Variants in ADCY7 observed in about 807,000 individuals in gnomAD.
The protein encoded by ADCY7 is adenylate cyclase 7.
ADCY7 carries 72 observed loss-of-function variants against 120.6 expected under a neutral mutation model. The observed-to-expected ratio is 0.60, with a 90% confidence interval of 0.49 to 0.73. The LOEUF (loss-of-function observed/expected upper bound fraction) is 0.73, where lower values mean the gene tolerates loss of function less well. ADCY7 is among the 30% of genes least tolerant of loss of function. ADCY7 has a pLI of 0.00. For synonymous variants in ADCY7, 661 were observed against 628.0 expected, an observed-to-expected ratio of 1.05 and a Z score of -0.78; for missense variants, 1,227 against 1,486.0, an observed-to-expected ratio of 0.83 and a Z score of 2.87.
chr16:50,259,377 G>T (rs937815089), intron 1 of ADCY7, among the ~76,000 whole-genome samples: 4 of 152,240 alleles, frequency 2.6e-5, no homozygotes, highest in African/African-American at 7.2e-5. Context: ...TGGGCCGGGT[G>T]CAGGGAAGGA....
chr16:50,250,530 G>C (rs970218321), intron 1 of ADCY7, among the ~76,000 whole-genome samples: 3 of 150,910 alleles, frequency 2.0e-5, no homozygotes, highest in Non-Finnish European at 2.9e-5. Context: ...TTTAATCCTA[G>C]CACTTTGGGA....
chr16:50,314,274 C>T lies in ADCY7; in HGVS notation c.2857-18C>T, dbSNP rs1257574198. ...GGCTCTGGAGATGCAAGGATCTGAC[C>T]CACAGCCTGTCCCGCAGGAGCTGGA... On this transcript the variant is annotated intron_variant, in intron 23 of 25. Coordinates refer to ENST00000673801, the MANE Select transcript of ADCY7 (RefSeq NM_001114.5). The T allele has an allele frequency of 1.9e-6, 3 of 1,611,852 alleles. No homozygotes were observed. The highest frequency in any genetic ancestry group is 1.7e-5 in the Admixed American group (1 of 60,016).
chr16:50,305,838 T>C lies in ADCY7; in HGVS notation c.1741T>C (p.Phe581Leu). Residue 581 changes from phenylalanine to leucine, a missense_variant, in exon 14 of 26, where the codon TTT becomes CTT. By Grantham distance (22) the Phe-to-Leu change is conservative. Coordinates refer to ENST00000673801, the MANE Select transcript of ADCY7 (RefSeq NM_001114.5). ...TGGGTCCATCTTCCTGGAGAAGGGC[T>C]TTGAGCGCGAGGTGAGGGCCCCCAG... ...TFGSIFLEKG[F>L]EREYRLAPIP... is the part of the protein sequence containing the mutation. 1 of 1,613,794 alleles carries C rather than the reference T, an allele frequency of 6.2e-7. No individual in the cohort carries two copies. The highest frequency in any genetic ancestry group is 8.5e-7 in the Non-Finnish European group (1 of 1,179,980).
intron 1 of ADCY7, among the ~76,000 whole-genome samples, chr16:50,278,870 C>CT (rs1257035615): frequency 1.1e-3 from 133 of 117,954 alleles, no homozygotes; most frequent in African/African-American, 4.3e-3. Flanking sequence ...CTCTCTCTCT[C>CT]TCTCTTTTTT....
chr16:50,301,016 G>C, intron 9 of ADCY7, 66 bp from the exon 10 acceptor site: 1 of 1,582,964 alleles, frequency 6.3e-7, no homozygotes, highest in Non-Finnish European at 8.6e-7. Flanking sequence ...TGCCTGCTGT[G>C]CATCCCTGGG....
At chr16:50,291,049 T>TCA (rs1034941385) in intron 3 of ADCY7, among the ~76,000 whole-genome samples, 3 of 152,022 alleles carry the variant, frequency 2.0e-5, no homozygotes, top group Non-Finnish European at 4.4e-5. Flanking sequence ...GCAGAGAAGT[T>TCA]CACAGCGGCT....
intron 1 of ADCY7, among the ~76,000 whole-genome samples, chr16:50,267,640 G>A (rs572936532): frequency 2.0e-5 from 3 of 152,298 alleles, no homozygotes; most frequent in Admixed American, 2.0e-4. Flanking sequence ...GTGAGGACCG[G>A]GCTGCCCAGG....
chr16:50,303,614 G>A (rs959610958), intron 10 of ADCY7, among the ~76,000 whole-genome samples: 2 of 152,140 alleles, frequency 1.3e-5, no homozygotes, highest in African/African-American at 4.8e-5. Flanking sequence ...ATCGGGGTGG[G>A]GGTCTCAGGT....
rs1025148390 is a variant in ADCY7, at chr16:50,288,215, C to T, written c.36C>T (p.Gly12=). The change falls in exon 2 of 26, where the codon GGC becomes GGT. Residue 12 remains glycine, a synonymous_variant. Coordinates refer to ENST00000673801, the MANE Select transcript of ADCY7 (RefSeq NM_001114.5). ...AGGGGCGCTACTTCCTCAACGAGGG[C>T]GAGGAGGGCCCTGACCAAGATGCGC... The part of the protein sequence containing the change: ...PAKGRYFLNE[G]EEGPDQDALY... The T allele has an allele frequency of 8.4e-6, 13 of 1,551,084 alleles. No homozygotes were observed. The highest frequency in any genetic ancestry group is 2.7e-5 in the African/African-American group (2 of 73,020).
At chr16:50,250,328 G>T (rs147111546) in intron 1 of ADCY7, among the ~76,000 whole-genome samples, 1,620 of 152,126 alleles carry the variant, frequency 0.011, 31 homozygotes, top group African/African-American at 0.037. Context: ...ATGGTGGCTT[G>T]TGCCTGTAGT....
intron 4 of ADCY7, 77 bp from the exon 5 acceptor site, chr16:50,292,599 A>G: frequency 1.9e-6 from 3 of 1,538,862 alleles, no homozygotes; most frequent in Non-Finnish European, 2.6e-6. Flanking sequence ...TGCCATCACT[A>G]GTCCGCCTAG....
intron 7 of ADCY7, among the ~76,000 whole-genome samples, chr16:50,295,647 G>A (rs1431006254): frequency 6.6e-6 from 1 of 152,106 alleles, no homozygotes; most frequent in Non-Finnish European, 1.5e-5. Context: ...AGGTGTGAGG[G>A]GGACAAGGGC....
chr16:50,296,928 A>G (rs964256176), intron 7 of ADCY7, among the ~76,000 whole-genome samples: 3 of 152,224 alleles, frequency 2.0e-5, no homozygotes, highest in African/African-American at 7.2e-5. Context: ...ACCTTCCTTC[A>G]GGATCTGCAT....
At position 50,310,858 on chromosome 16, in the gene ADCY7, ACCAAGC is replaced by A. The variant is rs749659618; in HGVS notation, c.2337_2342del (p.Lys779_Pro780del). On this transcript the variant is annotated inframe_deletion, in exon 19 of 26. Transcript: ENST00000673801. ...CTGCGGCCAAGGCCTGGGCAACCTCACCAAGCCCAACGGCACCACCAGGTGGGGTCC... is the reference window on the plus strand; with the variant it reads ...CTGCGGCCAAGGCCTGGGCAACCTCACCAACGGCACCACCAGGTGGGGTCC... 6.2e-7 allele frequency: 1 copy of A among 1,608,736 alleles called. No individual in the cohort carries two copies. Among genetic ancestry groups the A allele is most frequent in the Non-Finnish European group, 8.5e-7 (1 of 1,177,978 alleles).
At chr16:50,264,616 T>G (rs904966315), upstream of ADCY7, among the ~76,000 whole-genome samples, 2 of 152,204 alleles carry the variant, frequency 1.3e-5, no homozygotes, top group African/African-American at 4.8e-5. Flanking sequence ...CTTCTCCTCC[T>G]TGTCAACACT....
In ADCY7 at chr16:50,308,460, C is replaced by A. The variant is rs1596978988; in HGVS notation, c.1935+49C>A. The A allele has an allele frequency of 6.8e-6, 11 of 1,610,680 alleles. No homozygotes were observed. The Admixed American group carries it at 1.7e-4, about 24-fold the overall frequency. ...CGGGCCCTCCCTCCCTGCCTCAGGA[C>A]ACCTGCCTAGGAGCCCTCCCTGGTG... On this transcript the variant is annotated intron_variant, in intron 16 of 25. Transcript: ENST00000673801.
Position 50,311,799 on chromosome 16 carries a change from G to T in ADCY7, c.2448+13G>T. On this transcript the variant is annotated intron_variant, in intron 20 of 25. Coordinates refer to ENST00000673801, the MANE Select transcript of ADCY7 (RefSeq NM_001114.5). ...ACTCTCCAGACAGGTAAGGAGGCTG[G>T]CCCCCCCCCCCCCCCCAAGCTCTGC... is the stretch of plus-strand genomic sequence containing the variant. 1.1e-6 allele frequency: 1 copy of T among 893,476 alleles called. No individual in the cohort carries two copies. The highest frequency in any genetic ancestry group is 3.3e-4 in the Middle Eastern group (1 of 2,988). The allele number at this position is 893,476 out of a possible 1,614,324, so 55.3% of individuals were successfully genotyped here. A position where few individuals can be genotyped will look rare whatever the true frequency, so the allele number is the denominator to read the frequency against.
At chr16:50,261,799 C>T (rs2033065036), upstream of ADCY7, among the ~76,000 whole-genome samples, 1 of 152,250 alleles carries the variant, frequency 6.6e-6, no homozygotes, top group Non-Finnish European at 1.5e-5. Context: ...TCCTCTTCAT[C>T]CTGCCAGGAC....
intron 4 of ADCY7, 42 bp from the exon 5 acceptor site, chr16:50,292,634 G>T: frequency 6.2e-7 from 1 of 1,605,154 alleles, no homozygotes; most frequent in Non-Finnish European, 8.5e-7. Flanking sequence ...GGGAGGGCAT[G>T]GGCCAGGCCA....
Sources: allele counts gnomAD v4.1 joint callset (sites outside exome capture counted in the v4.1 genomes callset), GRCh38; gene constraint gnomAD v4.1.1; transcripts MANE v1.5; gene names NCBI Gene and HGNC (gene_info 2026-07-23, HGNC 2026-07-21).